Variants in KLRG1 observed in about 807,000 individuals in gnomAD.
The protein encoded by KLRG1 is killer cell lectin-like receptor subfamily G member 1.
Under a neutral mutation model 21.8 loss-of-function variants are expected in KLRG1, and 16 were observed. The observed-to-expected ratio is 0.73, with a 90% CI of 0.50 to 1.11. The LOEUF is 1.11. Ranked by LOEUF, KLRG1 falls within the 50% of genes most tolerant of loss-of-function variation. The pLI, the probability that KLRG1 is intolerant of heterozygous loss-of-function variation, is 0.00. For synonymous variants in KLRG1, 69 were observed against 75.9 expected, an observed-to-expected ratio of 0.91 and a Z score of 0.47; for missense variants, 173 against 218.3, an observed-to-expected ratio of 0.79 and a Z score of 1.31.
chr12:9,087,014 T>G, the KLRG1 span, among the ~76,000 whole-genome samples: 1 of 151,884 alleles, frequency 6.6e-6, no homozygotes, highest in Admixed American at 6.5e-5. Context: ...GAGAAAGAAA[T>G]AAAAACAATC....
At chr12:9,084,528 A>G in the KLRG1 span, among the ~76,000 whole-genome samples, 1 of 152,136 alleles carries the variant, frequency 6.6e-6, no homozygotes, top group African/African-American at 2.4e-5. Context: ...CAAGGCAAAA[A>G]TCTTTAATAG....
intron 3 of KLRG1, among the ~76,000 whole-genome samples, chr12:9,004,750 G>A (rs7971932): frequency 0.28 from 43,159 of 152,070 alleles, 7,292 homozygotes; most frequent in East Asian, 0.39. Context: ...CAAATTGCTG[G>A]TATTACAGGC....
At chr12:9,205,424 T>C in the KLRG1 span, among the ~76,000 whole-genome samples, 1 of 152,308 alleles carries the variant, frequency 6.6e-6, no homozygotes, top group South Asian at 2.1e-4. Context: ...GCTGTCTCTG[T>C]ATTAAGCCAT....
At chr12:9,213,099 C>T in the KLRG1 span, among the ~76,000 whole-genome samples, 1 of 152,134 alleles carries the variant, frequency 6.6e-6, no homozygotes, top group African/African-American at 2.4e-5. Flanking sequence ...TTTCACATAG[C>T]GTGATGTTTT....
At chr12:9,005,209 G>T (rs567252959) in intron 3 of KLRG1, among the ~76,000 whole-genome samples, 1 of 151,984 alleles carries the variant, frequency 6.6e-6, no homozygotes, top group African/African-American at 2.4e-5. Context: ...GTCGGGGGGT[G>T]GGGGGCAAGG....
the KLRG1 span, among the ~76,000 whole-genome samples, chr12:9,029,363 G>A: frequency 6.6e-6 from 1 of 151,998 alleles, no homozygotes; most frequent in South Asian, 2.1e-4. Context: ...TTACAGGCAT[G>A]TGCCACCAGG....
At chr12:9,201,878 TAA>T in the KLRG1 span, among the ~76,000 whole-genome samples, 1 of 152,054 alleles carries the variant, frequency 6.6e-6, no homozygotes, top group African/African-American at 2.4e-5. Flanking sequence ...TCAATTAGCA[TAA>T]AAAAGTCTTT....
chr12:9,068,683 C>G, the KLRG1 span: 1 of 1,372,966 alleles, frequency 7.3e-7, no homozygotes, highest in Non-Finnish European at 1.0e-6. Context: ...ATCTCCTAAA[C>G]CTGAATTTCT....
intron 2 of KLRG1, among the ~76,000 whole-genome samples, chr12:8,994,180 T>G (rs774787979): frequency 6.6e-6 from 1 of 152,324 alleles, no homozygotes; most frequent in East Asian, 1.9e-4. Context: ...TTCTCATGCC[T>G]CAGCTCCTAA....
At chr12:9,115,785 T>C in the KLRG1 span, 8 of 1,613,288 alleles carry the variant, frequency 5.0e-6, no homozygotes, top group Non-Finnish European at 6.8e-6. Flanking sequence ...GACTGAGGCG[T>C]CTGTGGGCAG....
the KLRG1 span, among the ~76,000 whole-genome samples, chr12:9,034,950 T>C: frequency 2.6e-5 from 4 of 152,226 alleles, no homozygotes. Flanking sequence ...AACAGTGATA[T>C]TGATGATCCT....
chr12:8,967,917 A>G (rs776094353), intron 1 of KLRG1, among the ~76,000 whole-genome samples: 1 of 152,090 alleles, frequency 6.6e-6, no homozygotes, highest in East Asian at 1.9e-4. Flanking sequence ...ACCTAGAGCA[A>G]TCATAACAGA....
chr12:9,127,719 T>G, the KLRG1 span: 1 of 163,252 alleles, frequency 6.1e-6, no homozygotes, highest in South Asian at 1.5e-4. Flanking sequence ...GATGCCAGCG[T>G]CCTCTGCAGG....
chr12:9,068,906 A>C, the KLRG1 span: 1 of 1,210,814 alleles, frequency 8.3e-7, no homozygotes, highest in South Asian at 1.5e-5. Context: ...GAATTAGTTT[A>C]AGTATTCACC....
the KLRG1 span, chr12:9,127,778 G>T: frequency 5.3e-6 from 1 of 188,818 alleles, no homozygotes; most frequent in South Asian, 8.6e-5. Flanking sequence ...GAACATCCAC[G>T]ACCACTTGGT....
At chr12:9,064,034 T>C in the KLRG1 span, among the ~76,000 whole-genome samples, 1 of 152,234 alleles carries the variant, frequency 6.6e-6, no homozygotes, top group Non-Finnish European at 1.5e-5. This position sits in a 1 kb window ranked among gnomAD's most constrained non-coding sequence, Gnocchi z 4.0. Context: ...ATTTCTTTTA[T>C]GTTCTGTGCC....
chr12:9,067,981 A>C, the KLRG1 span: 1 of 979,322 alleles, frequency 1.0e-6, no homozygotes, highest in South Asian at 1.4e-5. Flanking sequence ...CCAAATCATT[A>C]CCCATAAGCA....
intron 3 of KLRG1, chr12:8,996,385 G>T (rs1043154438): frequency 1.3e-5 from 2 of 152,156 alleles, no homozygotes; most frequent in Non-Finnish European, 1.5e-5. Context: ...TTTTGTGTTA[G>T]TGCTAATTTG....
the KLRG1 span, among the ~76,000 whole-genome samples, chr12:9,063,033 CTA>C: frequency 2.0e-5 from 3 of 151,976 alleles, no homozygotes; most frequent in African/African-American, 7.3e-5. Context: ...ATTGTAAAGA[CTA>C]AAATACTAAA....
Sources: gnomAD v4.1 joint callset for allele counts (sites outside exome capture counted in the v4.1 genomes callset) on GRCh38, gnomAD v4.1.1 for gene constraint, Gnocchi (gnomAD v3.1) non-coding constraint, MANE v1.5 for transcripts, NCBI Gene and HGNC (gene_info 2026-07-23, HGNC 2026-07-21) for gene names.